The following UTP20 variants were observed in gnomAD, a reference collection of about 807,000 sequenced individuals.
The protein encoded by UTP20 is UTP20 small subunit processome component.
UTP20 carries 164 observed loss-of-function variants against 329.5 expected under a neutral mutation model. The ratio of observed to expected loss-of-function variants is 0.50; its 90% CI spans 0.44 to 0.57. UTP20 has a LOEUF of 0.57. Among genes scored for constraint, UTP20 ranks in the 20% least tolerant of loss-of-function variants. The probability of loss-of-function intolerance (pLI) is 0.00; values close to 1 mark genes in which losing one functional copy is unlikely to be tolerated. For missense variants in UTP20, 3,055 were observed against 3,284.2 expected (o/e 0.93, Z 1.71); for synonymous variants, 1,151 against 1,159.3 (o/e 0.99, Z 0.14).
chr12:101,365,413 T>C lies in UTP20; in HGVS notation c.5959-46T>C, dbSNP rs373702400. 2.8e-6 allele frequency: 4 copies of C among 1,427,012 alleles called. No individual in the cohort carries two copies. In the African/African-American group the frequency reaches 5.9e-5, roughly 21 times the overall value. The allele number at this position is 1,427,012 out of a possible 1,614,324, so 88.4% of individuals were successfully genotyped here. On this transcript the variant is annotated intron_variant, in intron 45 of 61. Coordinates refer to ENST00000261637, the MANE Select transcript of UTP20 (RefSeq NM_014503.3). ...AAACTGCCATTATGACAAATCAAAA[T>C]GCATTTCTGTGTCATCTCAGCATGA... is the stretch of plus-strand genomic sequence containing the variant.
intron 58 of UTP20, 144 bp downstream of exon 58, chr12:101,381,355 A>C (rs1404388181): frequency 3.3e-5 from 22 of 669,670 alleles, no homozygotes; most frequent in Non-Finnish European, 7.8e-6. Flanking sequence ...CAACATGGCG[A>C]AACCCCATCT....
chr12:101,359,096 C>G (rs1387719338), intron 43 of UTP20, among the ~76,000 whole-genome samples: 2 of 151,968 alleles, frequency 1.3e-5, no homozygotes, highest in Admixed American at 1.3e-4. Flanking sequence ...AGACAGAGTC[C>G]TGCTCTGTTG....
At chr12:101,306,193 T>G (rs1872638230) in intron 16 of UTP20, 128 bp downstream of exon 16, 1 of 1,223,186 alleles carries the variant, frequency 8.2e-7, no homozygotes, top group African/African-American at 1.6e-5. Context: ...AAGCGATGAT[T>G]CTTAAATGTT....
In UTP20 at chr12:101,292,091, A is replaced by G. The variant is rs1219517792; in HGVS notation, c.1160A>G (p.Glu387Gly). The change falls in exon 10 of 62, where the codon GAA becomes GGA. Residue 387 changes from glutamate (E) to glycine (G), a missense_variant. This residue lies in a region of UTP20 where 2,445 missense variants were observed against 2,575.5 expected (regional missense o/e 0.95). Transcript: ENST00000261637. ...NVSLPETLIK[E>G]TIEKIFESRF... ...TCCTTGCCGGAGACCCTCATCAAAG[A>G]AACCATAGAAAAAGTAATTTACTTC... The G allele has an allele frequency of 1.2e-6, 2 of 1,611,978 alleles. No individual in the cohort carries two copies. The highest frequency in any genetic ancestry group is 1.7e-6 in the Non-Finnish European group (2 of 1,179,482).
chr12:101,361,956 T>C lies in UTP20; in HGVS notation c.5692-6T>C, dbSNP rs1869935554. 1.9e-6 allele frequency: 3 copies of C among 1,611,408 alleles called. No homozygotes were observed. The highest frequency in any genetic ancestry group is 4.5e-5 in the East Asian group (2 of 44,848). On this transcript the variant is annotated splice_region_variant and splice_polypyrimidine_tract_variant and intron_variant, in intron 43 of 61. Coordinates refer to ENST00000261637, the MANE Select transcript of UTP20 (RefSeq NM_014503.3). ...ATTCATGTTGTTGCTGTGTGTCTCATGTTAGGTCCATGTGCTGACTTTCAC... is the reference window on the plus strand; with the variant it reads ...ATTCATGTTGTTGCTGTGTGTCTCACGTTAGGTCCATGTGCTGACTTTCAC...
At chr12:101,355,141 A>G (rs1489529158) in intron 41 of UTP20, 23 bp downstream of exon 41, 1 of 1,601,372 alleles carries the variant, frequency 6.2e-7, no homozygotes, top group Non-Finnish European at 8.5e-7. Flanking sequence ...TTCGGGGTCC[A>G]GCAGGTCTGT....
intron 15 of UTP20, 48 bp from the exon 16 acceptor site, chr12:101,305,867 C>G (rs753010904): frequency 1.3e-6 from 2 of 1,482,050 alleles, no homozygotes. Flanking sequence ...AGTCTAGATA[C>G]TCTGGGTTAT....
intron 58 of UTP20, 40 bp from the exon 59 acceptor site, chr12:101,383,001 C>T: frequency 1.3e-6 from 2 of 1,556,598 alleles, no homozygotes; most frequent in East Asian, 2.2e-5. Context: ...ATTTCAAAAT[C>T]AATGTCCAAT....
rs1263487319 is a variant in UTP20 at position 101,307,198 on chromosome 12, AT to A, written c.1995+449del. 5.0e-4 allele frequency among the ~76,000 whole-genome samples: 69 copies of A among 139,168 alleles called. 1 individual carries two copies. Among genetic ancestry groups the A allele is most frequent in the East Asian group, 4.2e-4 (2 of 4,776 alleles). 91.3% of individuals were successfully genotyped at this position (139,168 alleles called of 152,430 possible). ...GTCTCAAAAAAAAAAAAAAAAATTG[AT>A]TTTTTTTTTTTGGTAACTCTTACTC... On this transcript the variant is annotated intron_variant, in intron 17 of 61. Coordinates refer to ENST00000261637, the MANE Select transcript of UTP20 (RefSeq NM_014503.3).
Position 101,345,563 on chromosome 12 carries a change from C to G in UTP20, c.4615C>G (p.Gln1539Glu). 1.3e-6 allele frequency: 2 copies of G among 1,573,048 alleles called. No individual in the cohort carries two copies. Among genetic ancestry groups the G allele is most frequent in the Non-Finnish European group, 1.7e-6 (2 of 1,155,372 alleles). ...CACTTCATATTTACAGAGTATTCAG[C>G]AGGATTATACCACAATACTTTCCTG... ...GLKSQTESIQ[Q>E]DYTTILSCLI... The change falls in exon 37 of 62, where the codon CAG (glutamine) becomes GAG (glutamate). Residue 1539 changes from glutamine to glutamate, a missense_variant. Transcript: ENST00000261637.
chr12:101,321,397 A>C, intron 24 of UTP20, 107 bp from the exon 25 acceptor site: 1 of 1,473,638 alleles, frequency 6.8e-7, no homozygotes, highest in Non-Finnish European at 9.1e-7. Flanking sequence ...CATAATATGT[A>C]CTATATACCT....
intron 35 of UTP20, among the ~76,000 whole-genome samples, chr12:101,344,026 G>A (rs1370182887): frequency 1.3e-5 from 2 of 152,100 alleles, no homozygotes; most frequent in African/African-American, 4.8e-5. Context: ...ATCATGTAGT[G>A]GCATCAGTGA....
intron 27 of UTP20, among the ~76,000 whole-genome samples, chr12:101,330,538 G>A (rs1410705747): frequency 6.6e-6 from 1 of 152,190 alleles, no homozygotes; most frequent in African/African-American, 2.4e-5. Context: ...TTGTGGAAAA[G>A]GGACTATAGG....
intron 43 of UTP20, among the ~76,000 whole-genome samples, chr12:101,358,388 C>T (rs1388338018): frequency 6.6e-6 from 1 of 152,194 alleles, no homozygotes; most frequent in African/African-American, 2.4e-5. Context: ...ATAATTTTTG[C>T]TTATAATTGT....
At chr12:101,377,371 G>T (rs566754478) in intron 56 of UTP20, among the ~76,000 whole-genome samples, 1 of 151,822 alleles carries the variant, frequency 6.6e-6, no homozygotes, top group South Asian at 2.1e-4. Context: ...TCACTCTGTC[G>T]CCAGGCTGGA....
At chr12:101,299,660 A>G in intron 12 of UTP20, 22 bp from the exon 13 acceptor site, 1 of 1,550,642 alleles carries the variant, frequency 6.4e-7, no homozygotes, top group Non-Finnish European at 8.7e-7. Context: ...TGTTATTTTA[A>G]ACATTTTTTT....
At chr12:101,341,955 TAAC>T (rs1869155886) in intron 32 of UTP20, among the ~76,000 whole-genome samples, 1 of 152,120 alleles carries the variant, frequency 6.6e-6, no homozygotes, top group African/African-American at 2.4e-5. Flanking sequence ...AAATGCAGTA[TAAC>T]AACTATTTAC....
chr12:101,346,722 C>A, intron 38 of UTP20, 134 bp downstream of exon 38: 1 of 858,170 alleles, frequency 1.2e-6, no homozygotes, highest in Non-Finnish European at 1.6e-6. Flanking sequence ...TTCTAAAGTT[C>A]TTAGAACTGT....
At chr12:101,377,166 A>G (rs1870502576) in intron 56 of UTP20, among the ~76,000 whole-genome samples, 2 of 152,226 alleles carry the variant, frequency 1.3e-5, no homozygotes, top group South Asian at 4.1e-4. Context: ...GTGAGAAATA[A>G]CAAGGTTACT....
Sources: allele counts gnomAD v4.1 joint callset (sites outside exome capture counted in the v4.1 genomes callset), GRCh38; gene constraint gnomAD v4.1.1; regional missense constraint gnomAD v4.1.1; transcripts MANE v1.5; gene names NCBI Gene and HGNC (gene_info 2026-07-23, HGNC 2026-07-21).